PAK4: variants seen among roughly 807,000 people sequenced by gnomAD.
PAK4 encodes the protein p21 (RAC1) activated kinase 4, also known as serine/threonine-protein kinase PAK 4.
In PAK4, 49 loss-of-function variants were observed where a neutral mutation model predicts 53.5. That is an observed-to-expected ratio of 0.92 (90% CI 0.73 to 1.16). The LOEUF (loss-of-function observed/expected upper bound fraction) is 1.16, where lower values mean the gene tolerates loss of function less well. Ranked by LOEUF, PAK4 falls within the 50% of genes most tolerant of loss-of-function variation. PAK4 has a pLI of 0.00. For synonymous variants in PAK4, 376 were observed against 375.6 expected (o/e 1.00, Z -0.01); for missense variants, 824 against 850.7 (o/e 0.97, Z 0.39).
rs1437516828 is a variant in PAK4, at chr19:39,173,920, C to T, written c.1008C>T (p.Cys336=). The T allele has an allele frequency of 1.2e-6, 2 of 1,611,870 alleles. No individual in the cohort carries two copies. Among genetic ancestry groups the T allele is most frequent in the African/African-American group, 1.3e-5 (1 of 75,018 alleles). Residue 336 remains cysteine (C), a synonymous_variant, in exon 4 of 9, where the codon TGC becomes TGT. Transcript: ENST00000358301. The surrounding 1 kb of genome is among the most constrained non-coding windows in gnomAD (Gnocchi z 6.9). Reference sequence around the variant, plus strand: ...GCGAGGGCTCCACGGGCATCGTGTGCATCGCCACCGTGCGCAGCTCGGGCA... The same window carrying T: ...GCGAGGGCTCCACGGGCATCGTGTGTATCGCCACCGTGCGCAGCTCGGGCA...
At chr19:39,128,322 T>A (rs999621711) in intron 1 of PAK4, among the ~76,000 whole-genome samples, 11 of 152,120 alleles carry the variant, frequency 7.2e-5, no homozygotes, top group African/African-American at 2.4e-4. Context: ...TCAGAGACAG[T>A]GGAGGCCCTC....
chr19:39,126,173 C>T (rs1600287718), intron 1 of PAK4, among the ~76,000 whole-genome samples: 1 of 151,982 alleles, frequency 6.6e-6, no homozygotes, highest in South Asian at 2.1e-4. Flanking sequence ...TCGAGGGGTT[C>T]TGGGCGAGTC....
chr19:39,169,439 G>T, intron 1 of PAK4, 93 bp from the exon 3 acceptor site: 1 of 901,548 alleles, frequency 1.1e-6, no homozygotes. Context: ...TGTTGGTCCC[G>T]GTGTAAGATG....
chr19:39,142,391 A>G (rs1344166796), intron 1 of PAK4, among the ~76,000 whole-genome samples: 3 of 152,210 alleles, frequency 2.0e-5, no homozygotes, highest in African/African-American at 7.2e-5. Context: ...AATTACTTAC[A>G]TGTCTGTATG....
At chr19:39,137,495 G>A (rs1201286089) in intron 1 of PAK4, among the ~76,000 whole-genome samples, 1 of 152,174 alleles carries the variant, frequency 6.6e-6, no homozygotes, top group East Asian at 1.9e-4. Context: ...TTCACAGATT[G>A]GGAGGTGAGG....
chr19:39,136,061 G>A lies in PAK4; in HGVS notation c.-23+10142G>A, dbSNP rs1351186952. Among the ~76,000 whole-genome samples, 12 of 106,540 alleles carry A rather than the reference G, an allele frequency of 1.1e-4. No individual in the cohort carries two copies. The Admixed American group carries it at 1.3e-3, about 12-fold the overall frequency. The allele number at this position is 106,540 out of a possible 152,430, so 69.9% of individuals were successfully genotyped here. On this transcript the variant is annotated intron_variant, in intron 1 of 8. Transcript: ENST00000358301. Reference sequence around the variant, plus strand: ...CCCTTCCTGGTCACACCTCTTCCTCGTCACCCTTCTTCCTTGTCACCCCTC... The same window carrying A: ...CCCTTCCTGGTCACACCTCTTCCTCATCACCCTTCTTCCTTGTCACCCCTC...
chr19:39,166,535 C>T (rs1163560878), intron 1 of PAK4, among the ~76,000 whole-genome samples: 3 of 152,246 alleles, frequency 2.0e-5, no homozygotes, highest in Non-Finnish European at 4.4e-5. Context: ...CTGAGTTGCT[C>T]ACCCAGGGCC....
At chr19:39,145,973 CTG>C (rs1259641251) in intron 1 of PAK4, among the ~76,000 whole-genome samples, 1 of 152,248 alleles carries the variant, frequency 6.6e-6, no homozygotes, top group Non-Finnish European at 1.5e-5. Flanking sequence ...TGCCCCACCT[CTG>C]TTGGCCTCAG....
chr19:39,130,651 C>T (rs1010287067), intron 1 of PAK4, among the ~76,000 whole-genome samples: 1 of 151,424 alleles, frequency 6.6e-6, no homozygotes, highest in African/African-American at 2.4e-5. Context: ...TAAAGAAATA[C>T]ATAAAATATA....
At chr19:39,180,073 A>T (rs903282753), downstream of PAK4, 1 of 152,330 alleles carries the variant, frequency 6.6e-6, no homozygotes, top group Admixed American at 6.5e-5. Context: ...AGGCGTCATC[A>T]GCACCAGAGA....
intron 1 of PAK4, among the ~76,000 whole-genome samples, chr19:39,143,591 T>TAAAAAA (rs2073946879): frequency 4.5e-5 from 1 of 22,288 alleles, no homozygotes; most frequent in Non-Finnish European, 7.5e-5. Flanking sequence ...AGACTCTGTC[T>TAAAAAA]CAAAAAAAAA....
At chr19:39,177,429 G>A (rs941681260) in intron 7 of PAK4, among the ~76,000 whole-genome samples, 7 of 152,184 alleles carry the variant, frequency 4.6e-5, no homozygotes, top group Non-Finnish European at 1.0e-4. Flanking sequence ...GGCTGAGGGA[G>A]GGAGGACACC....
Position 39,174,014 on chromosome 19 carries a change from CG to C in PAK4, c.1098+7del. ...GCGCGAGCTGCTCTTCAACGAGGTG[CG>C]GGCGCTGCTGCCCTGCCGCCCTGCT... On this transcript the variant is annotated splice_donor_5th_base_variant and intron_variant, in intron 4 of 8. Transcript: ENST00000358301. 6.4e-7 allele frequency: 1 copy of C among 1,563,930 alleles called. No individual in the cohort carries two copies. Among genetic ancestry groups the C allele is most frequent in the Non-Finnish European group, 8.6e-7 (1 of 1,157,770 alleles).
intron 6 of PAK4, among the ~76,000 whole-genome samples, chr19:39,176,101 A>G (rs1049040504): frequency 1.3e-5 from 2 of 152,240 alleles, no homozygotes; most frequent in African/African-American, 4.8e-5. Flanking sequence ...GAAGACCCAT[A>G]GAAATCCTCA....
At position 39,161,087 on chromosome 19, in the gene PAK4, C is replaced by A. The variant is rs1722274002; in HGVS notation, c.-22-8445C>A. 6.6e-6 allele frequency among the ~76,000 whole-genome samples: 1 copy of A among 152,226 alleles called. No homozygotes were observed. Among genetic ancestry groups the A allele is most frequent in the Admixed American group, 6.5e-5 (1 of 15,286 alleles). On this transcript the variant is annotated intron_variant, in intron 1 of 8. Transcript: ENST00000358301. This position sits in a 1 kb window ranked among gnomAD's most constrained non-coding sequence, Gnocchi z 4.5. ...GGAAGAGGACTCCCCACCCAGCACC[C>A]AGCACTGTTTAGAGGGCTCCGCGTG...
At chr19:39,163,858 CG>C in intron 1 of PAK4, among the ~76,000 whole-genome samples, 1 of 152,242 alleles carries the variant, frequency 6.6e-6, no homozygotes, top group Non-Finnish European at 1.5e-5. Flanking sequence ...AATAATGCAG[CG>C]GACAGGGACG....
intron 1 of PAK4, among the ~76,000 whole-genome samples, chr19:39,128,719 C>G (rs1444815385): frequency 6.6e-6 from 1 of 152,196 alleles, no homozygotes; most frequent in African/African-American, 2.4e-5. Context: ...CTCCTCACCC[C>G]CCCTCCTCCC....
intron 1 of PAK4, among the ~76,000 whole-genome samples, chr19:39,148,466 C>CTTTTTTTTCTTTTT (rs2074040066): frequency 1.8e-5 from 1 of 56,786 alleles, no homozygotes; most frequent in Non-Finnish European, 2.9e-5. Context: ...GTTTCTTCTG[C>CTTTTTTTTCTTTTT]TTTTTTTTTT....
chr19:39,137,135 A>T (rs2073830034), intron 1 of PAK4, among the ~76,000 whole-genome samples: 1 of 151,508 alleles, frequency 6.6e-6, no homozygotes, highest in Non-Finnish European at 1.5e-5. Flanking sequence ...CTGGTGCCTG[A>T]TACATAAATA....
Sources: gnomAD v4.1 joint callset for allele counts (sites outside exome capture counted in the v4.1 genomes callset) on GRCh38, gnomAD v4.1.1 for gene constraint, Gnocchi (gnomAD v3.1) non-coding constraint, MANE v1.5 for transcripts, NCBI Gene and HGNC (gene_info 2026-07-23, HGNC 2026-07-21) for gene names.